The following OTOGL variants were observed in gnomAD, a reference collection of about 807,000 sequenced individuals.
The protein encoded by OTOGL is otogelin like.
OTOGL carries 285 observed loss-of-function variants against 318.5 expected under a neutral mutation model. The observed-to-expected ratio is 0.89, with a 90% confidence interval of 0.81 to 0.99. OTOGL has a LOEUF of 0.99. Among genes scored for constraint, OTOGL ranks in the 50% least tolerant of loss-of-function variants. The probability of loss-of-function intolerance (pLI) is 0.00; values close to 1 mark genes in which losing one functional copy is unlikely to be tolerated. For synonymous variants in OTOGL, 987 were observed against 936.5 expected (o/e 1.05, Z -0.99); for missense variants, 2,899 against 2,845.6 (o/e 1.02, Z -0.43).
chr12:80,231,456 T>C (rs1024545407), intron 8 of OTOGL, among the ~76,000 whole-genome samples: 1 of 152,168 alleles, frequency 6.6e-6, no homozygotes, highest in Admixed American at 6.5e-5. Flanking sequence ...ATTATCCCTT[T>C]GTTAATTAGT....
At chr12:80,342,196 T>C (rs1888822028) in intron 44 of OTOGL, 34 bp downstream of exon 44, 1 of 1,463,960 alleles carries the variant, frequency 6.8e-7, no homozygotes, top group Non-Finnish European at 9.3e-7. Flanking sequence ...AATACTTTCA[T>C]GTTAGATATG....
chr12:80,375,123 T>C lies in OTOGL; in HGVS notation c.6782-2000T>C, dbSNP rs185602726. On this transcript the variant is annotated intron_variant, in intron 57 of 58. Coordinates refer to ENST00000547103, the MANE Select transcript of OTOGL (RefSeq NM_001378609.3). ...CGTAATGTAGTTTCTGCTGGCATAT[T>C]AGAAAACCCTTTCCTGCCGCCTTTG... Among the ~76,000 whole-genome samples, 34 of 152,274 alleles carry C rather than the reference T, an allele frequency of 2.2e-4. 1 individual carries two copies. The highest frequency in any genetic ancestry group is 3.8e-4 in the Non-Finnish European group (26 of 68,026).
Position 80,198,182 on chromosome 12 carries a change from G to A in OTOGL, c.-19-11231G>A, listed in dbSNP as rs1458415861. Reference sequence around the variant, plus strand: ...ACTTCTCTCACCCCCTGGAGTAGAAGCTTTTTCAGAGAAGTCTCTTCTGCT... The same window carrying A: ...ACTTCTCTCACCCCCTGGAGTAGAAACTTTTTCAGAGAAGTCTCTTCTGCT... On this transcript the variant is annotated intron_variant, in intron 1 of 58. Transcript: ENST00000547103. Among the ~76,000 whole-genome samples the A allele has an allele frequency of 2.0e-5, 3 of 152,272 alleles. No individual in the cohort carries two copies. The East Asian group carries it at 5.8e-4, about 29-fold the overall frequency.
chr12:80,218,486 G>C (rs1055255425), intron 5 of OTOGL, among the ~76,000 whole-genome samples: 2 of 152,188 alleles, frequency 1.3e-5, no homozygotes, highest in African/African-American at 4.8e-5. Flanking sequence ...TGGGAATTAA[G>C]ATGTTCTGTG....
chr12:80,313,364 A>G, intron 30 of OTOGL, 112 bp from the exon 31 acceptor site: 1 of 935,698 alleles, frequency 1.1e-6, no homozygotes, highest in Non-Finnish European at 1.6e-6. Context: ...TCTAGGTGGC[A>G]GTGTTAAGCT....
intron 29 of OTOGL, among the ~76,000 whole-genome samples, chr12:80,308,172 A>G (rs1201059165): frequency 7.1e-6 from 1 of 141,310 alleles, no homozygotes; most frequent in African/African-American, 2.7e-5. Context: ...CTCCCGGACG[A>G]GGTGGCTGCC....
At chr12:80,366,700 T>C in intron 53 of OTOGL, 63 bp downstream of exon 53, 1 of 615,844 alleles carries the variant, frequency 1.6e-6, no homozygotes, top group Non-Finnish European at 2.4e-6. Context: ...GTTTTTTCAC[T>C]ATTAATAAGT....
intron 8 of OTOGL, among the ~76,000 whole-genome samples, chr12:80,231,186 G>C (rs986933899): frequency 3.3e-5 from 5 of 152,012 alleles, no homozygotes; most frequent in African/African-American, 1.2e-4. Context: ...TTTAAGTATA[G>C]TTTTTATAAA....
chr12:80,244,666 C>T (rs982198885), intron 11 of OTOGL, among the ~76,000 whole-genome samples: 2 of 149,556 alleles, frequency 1.3e-5, no homozygotes, highest in African/African-American at 5.1e-5. Context: ...CATGATATAC[C>T]TTTGGGTATA....
chr12:80,265,960 T>G (rs1406324997), intron 20 of OTOGL: 2 of 152,724 alleles, frequency 1.3e-5, no homozygotes, highest in Non-Finnish European at 2.9e-5. Flanking sequence ...AGGTAACTTT[T>G]TAATCACAGA....
In OTOGL at chr12:80,194,016, G is replaced by C. The variant is rs569256621; in HGVS notation, c.-19-15397G>C. ...TGGATAAGCAGTGTAGTGGACCTTT[G>C]TTGTTTTAGCTGCCTCTGACTAACA... On this transcript the variant is annotated intron_variant, in intron 1 of 58. Transcript: ENST00000547103. 3.9e-5 allele frequency among the ~76,000 whole-genome samples: 6 copies of C among 152,222 alleles called. No homozygotes were observed. In the South Asian group the frequency reaches 1.0e-3, roughly 26 times the overall value.
chr12:80,134,373 T>C (rs1871418970), intron 1 of OTOGL, among the ~76,000 whole-genome samples: 1 of 152,204 alleles, frequency 6.6e-6, no homozygotes, highest in South Asian at 2.1e-4. Flanking sequence ...GCTTTCCTTT[T>C]CTTATGGACT....
At position 80,310,717 on chromosome 12, in the gene OTOGL, G is replaced by T. The variant is rs1289272398; in HGVS notation, c.3440G>T (p.Cys1147Phe). ...TTGTACAGTGATATTTTTGCTTCTT[G>T]TCGCAATGTGGTAAATGAATACTTT... ...SILYSDIFAS[C>F]RNVIDVTSFA... The change falls in exon 30 of 59, where the codon TGT becomes TTT. Residue 1147 changes from cysteine (C) to phenylalanine (F), a missense_variant. By Grantham distance (205) the Cys-to-Phe change is radical (BLOSUM62 -2). Transcript: ENST00000547103. 1 of 1,561,670 alleles carries T rather than the reference G, an allele frequency of 6.4e-7. No homozygotes were observed. The highest frequency in any genetic ancestry group is 1.1e-5 in the South Asian group (1 of 90,214).
At chr12:80,377,054 C>T in intron 57 of OTOGL, 69 bp from the exon 58 acceptor site, 1 of 1,014,770 alleles carries the variant, frequency 9.9e-7, no homozygotes, top group Non-Finnish European at 1.4e-6. Context: ...TAAATATATT[C>T]ATATATTTAA....
Position 80,323,711 on chromosome 12 carries a change from A to AT in OTOGL, c.4082-6dup, listed in dbSNP as rs771792935. ...TAAATATGCACACAATCTAAACTTT[A>AT]TTTTTTCCCAGAAATCCAGGCAGCA... On this transcript the variant is annotated splice_polypyrimidine_tract_variant and intron_variant, in intron 34 of 58. Transcript: ENST00000547103. 17 of 1,595,982 alleles carry AT rather than the reference A, an allele frequency of 1.1e-5. No homozygotes were observed. The highest frequency in any genetic ancestry group is 5.4e-5 in the African/African-American group (4 of 74,440).
chr12:80,166,429 T>A (rs1412757397), intron 1 of OTOGL, among the ~76,000 whole-genome samples: 1 of 152,206 alleles, frequency 6.6e-6, no homozygotes, highest in Non-Finnish European at 1.5e-5. Context: ...TTTTCAAAGA[T>A]GTAGCTCTTT....
At chr12:80,152,715 G>A (rs1024575333) in intron 1 of OTOGL, among the ~76,000 whole-genome samples, 1 of 152,152 alleles carries the variant, frequency 6.6e-6, no homozygotes, top group Non-Finnish European at 1.5e-5. Context: ...TTGAGACAGA[G>A]TGTCACTTTG....
At chr12:80,310,889 G>A (rs1024821661) in intron 30 of OTOGL, among the ~76,000 whole-genome samples, 162 bp downstream of exon 30, 1 of 152,186 alleles carries the variant, frequency 6.6e-6, no homozygotes. Flanking sequence ...TTCTGTAGAA[G>A]TGGCACATTT....
At chr12:80,259,405 T>C (rs901142895) in intron 18 of OTOGL, among the ~76,000 whole-genome samples, 7 of 152,060 alleles carry the variant, frequency 4.6e-5, no homozygotes, top group East Asian at 3.9e-4. Flanking sequence ...AGGATACATA[T>C]GCTGAATGTG....
Sources: gnomAD v4.1 joint callset for allele counts (sites outside exome capture counted in the v4.1 genomes callset) on GRCh38, gnomAD v4.1.1 for gene constraint, MANE v1.5 for transcripts, NCBI Gene and HGNC (gene_info 2026-07-23, HGNC 2026-07-21) for gene names.